PTPRM: variants seen among roughly 807,000 people sequenced by gnomAD.
PTPRM encodes the protein protein tyrosine phosphatase receptor type M.
PTPRM carries 47 observed loss-of-function variants against 186.7 expected under a neutral mutation model. The ratio of observed to expected loss-of-function variants is 0.25; its 90% CI spans 0.20 to 0.32. The LOEUF (loss-of-function observed/expected upper bound fraction) is 0.32, where lower values mean the gene tolerates loss of function less well. Ranked by LOEUF, PTPRM falls within the 10% of genes least tolerant of loss-of-function variation. The pLI is 1.00. For synonymous variants in PTPRM, 668 were observed against 674.9 expected (o/e 0.99, Z 0.16); for missense variants, 1,494 against 1,865.0 (o/e 0.80, Z 3.66).
At chr18:8,170,387 C>A (rs1234924966) in intron 14 of PTPRM, among the ~76,000 whole-genome samples, 7 of 151,822 alleles carry the variant, frequency 4.6e-5, no homozygotes, top group Admixed American at 4.6e-4. Context: ...CTCCTTCAAA[C>A]TATCAAGCAG....
intron 19 of PTPRM, 120 bp downstream of exon 19, chr18:8,253,534 G>C: frequency 1.1e-6 from 1 of 934,154 alleles, no homozygotes; most frequent in Non-Finnish European, 1.5e-6. Flanking sequence ...ATGCCAGAAA[G>C]AGATGAAGTA....
intron 24 of PTPRM, among the ~76,000 whole-genome samples, chr18:8,372,056 CTTTTTTTTTTTT>C (rs557766971): frequency 3.4e-5 from 2 of 59,060 alleles, no homozygotes; most frequent in African/African-American, 5.2e-5. Context: ...ACTCTATATT[CTTTTTTTTTTTT>C]TTTTTTTTTT....
intron 22 of PTPRM, among the ~76,000 whole-genome samples, chr18:8,335,375 A>G (rs683350): frequency 0.31 from 46,480 of 152,030 alleles, 7,270 homozygotes; most frequent in Admixed American, 0.42. Flanking sequence ...TGCCACAGGC[A>G]TCCTCATACA....
At chr18:7,991,128 T>A (rs922173785) in intron 7 of PTPRM, among the ~76,000 whole-genome samples, 15 of 152,208 alleles carry the variant, frequency 9.9e-5, no homozygotes, top group African/African-American at 3.6e-4. Flanking sequence ...TCCATGACCT[T>A]AAGAAGGATT....
intron 7 of PTPRM, among the ~76,000 whole-genome samples, chr18:7,985,544 C>T (rs1422239816): frequency 6.8e-6 from 1 of 147,870 alleles, no homozygotes; most frequent in African/African-American, 2.4e-5. Flanking sequence ...TAAATATATA[C>T]ATATACTGGT....
In PTPRM at chr18:8,039,854, G is replaced by A. The variant is rs532034; in HGVS notation, c.1133-29832G>A. On this transcript the variant is annotated intron_variant, in intron 7 of 32. Coordinates refer to ENST00000580170, the MANE Select transcript of PTPRM (RefSeq NM_001105244.2). ...GTGACAGGCCATGTAGATAAGGCTG[G>A]AGAAGTTCTTGAACCTTTAAAATTA... 5.7e-3 allele frequency among the ~76,000 whole-genome samples: 868 copies of A among 152,230 alleles called. 7 individuals are homozygous for A. Among genetic ancestry groups the A allele is most frequent in the African/African-American group, 0.02 (830 of 41,556 alleles).
At chr18:8,163,795 T>C (rs1339060009) in intron 14 of PTPRM, among the ~76,000 whole-genome samples, 1 of 152,216 alleles carries the variant, frequency 6.6e-6, no homozygotes, top group East Asian at 1.9e-4. Context: ...CAAGTACTTT[T>C]TCCTAACACC....
At chr18:7,644,964 T>C (rs1427257530) in intron 1 of PTPRM, among the ~76,000 whole-genome samples, 2 of 152,224 alleles carry the variant, frequency 1.3e-5, no homozygotes, top group Non-Finnish European at 2.9e-5. Flanking sequence ...CCTTCTGTGC[T>C]AATGCTTACT....
At chr18:7,713,162 AG>A (rs1449837238) in intron 1 of PTPRM, among the ~76,000 whole-genome samples, 2 of 152,222 alleles carry the variant, frequency 1.3e-5, no homozygotes, top group Non-Finnish European at 2.9e-5. Flanking sequence ...TCAGACTAAC[AG>A]TGGATCTCTC....
At chr18:7,733,801 C>T (rs2040711290) in intron 1 of PTPRM, among the ~76,000 whole-genome samples, 1 of 152,216 alleles carries the variant, frequency 6.6e-6, no homozygotes, top group Non-Finnish European at 1.5e-5. Flanking sequence ...GGCACAAATT[C>T]CTGGTGGCTC....
chr18:8,266,936 A>G (rs2094707995), intron 19 of PTPRM, among the ~76,000 whole-genome samples: 1 of 152,088 alleles, frequency 6.6e-6, no homozygotes, highest in South Asian at 2.1e-4. Context: ...ATTCACCCAT[A>G]TTATTCATTA....
intron 2 of PTPRM, among the ~76,000 whole-genome samples, chr18:7,883,518 C>G (rs1301512673): frequency 6.6e-6 from 1 of 152,210 alleles, no homozygotes; most frequent in Non-Finnish European, 1.5e-5. Context: ...CCAACTGTAA[C>G]TTTACTGCAG....
At chr18:8,090,294 GT>G (rs2090643880) in intron 11 of PTPRM, among the ~76,000 whole-genome samples, 1 of 152,116 alleles carries the variant, frequency 6.6e-6, no homozygotes, top group African/African-American at 2.4e-5. Context: ...AGTGTCATTT[GT>G]TTCTGACCCA....
At position 7,866,025 on chromosome 18, in the gene PTPRM, G is replaced by A. The variant is rs2047671920; in HGVS notation, c.197-22081G>A. On this transcript the variant is annotated intron_variant, in intron 2 of 32. Coordinates refer to ENST00000580170, the MANE Select transcript of PTPRM (RefSeq NM_001105244.2). ...AGTTTGTATTTTTGTGGGATCAGTT[G>A]TGATATCCCGTTTATTATTTTTTAT... Among the ~76,000 whole-genome samples the A allele has an allele frequency of 2.0e-5, 3 of 152,034 alleles. No homozygotes were observed. In the South Asian group the frequency reaches 6.2e-4, roughly 31 times the overall value.
chr18:8,335,915 T>C (rs2095436489), intron 22 of PTPRM, among the ~76,000 whole-genome samples: 1 of 152,108 alleles, frequency 6.6e-6, no homozygotes, highest in Non-Finnish European at 1.5e-5. Context: ...CCAGCTACTC[T>C]GGAGGTTGAG....
intron 29 of PTPRM, among the ~76,000 whole-genome samples, chr18:8,383,041 A>G (rs658048): frequency 0.74 from 113,042 of 151,808 alleles, 42,532 homozygotes; most frequent in African/African-American, 0.84. Flanking sequence ...GGCTCACACC[A>G]GTAATCCCAG....
At chr18:7,759,317 C>T (rs1032184788) in intron 1 of PTPRM, among the ~76,000 whole-genome samples, 2 of 152,176 alleles carry the variant, frequency 1.3e-5, no homozygotes, top group Non-Finnish European at 2.9e-5. Flanking sequence ...GAGATCCAAG[C>T]CACAGATAAT....
At chr18:7,604,200 T>G (rs757212927) in intron 1 of PTPRM, among the ~76,000 whole-genome samples, 1 of 152,194 alleles carries the variant, frequency 6.6e-6, no homozygotes, top group Non-Finnish European at 1.5e-5. Flanking sequence ...TTGTTCCAAT[T>G]CTTTTCATGC....
intron 7 of PTPRM, among the ~76,000 whole-genome samples, chr18:7,977,182 T>C (rs747059403): frequency 6.6e-6 from 1 of 152,100 alleles, no homozygotes; most frequent in African/African-American, 2.4e-5. Flanking sequence ...CTCCACCTCC[T>C]GGGATCAAGT....
Sources: gnomAD v4.1 joint callset for allele counts (sites outside exome capture counted in the v4.1 genomes callset) on GRCh38, gnomAD v4.1.1 for gene constraint, MANE v1.5 for transcripts, NCBI Gene and HGNC (gene_info 2026-07-23, HGNC 2026-07-21) for gene names.